The following CEP63 variants were observed in gnomAD, a reference collection of about 807,000 sequenced individuals.
CEP63 encodes centrosomal protein of 63 kDa.
A neutral mutation model predicts 89.1 loss-of-function variants in CEP63; 84 were observed. The observed-to-expected ratio is 0.94, with a 90% CI of 0.79 to 1.13. The LOEUF is 1.13. Ranked by LOEUF, CEP63 falls within the 50% of genes most tolerant of loss-of-function variation. The pLI is 0.00. For missense variants in CEP63, 838 were observed against 813.3 expected, an observed-to-expected ratio of 1.03 and a Z score of -0.37; for synonymous variants, 267 against 272.5, an observed-to-expected ratio of 0.98 and a Z score of 0.20.
At chr3:134,508,702 C>A (rs906659441) in intron 3 of CEP63, among the ~76,000 whole-genome samples, 86 of 152,202 alleles carry the variant, frequency 5.7e-4, no homozygotes, top group Admixed American at 1.1e-3. Context: ...CCCTTGACAT[C>A]AAAATTTCTC....
Position 134,541,515 on chromosome 3 carries a change from T to A in CEP63, c.556-4071T>A, listed in dbSNP as rs1951991335. On this transcript the variant is annotated intron_variant, in intron 6 of 14. Transcript: ENST00000675561. ...AAATGAACGATACTAGCCAACTTTT[T>A]TTTTTTTTTTTTTTTTTGAGACGGA... 2.0e-5 allele frequency among the ~76,000 whole-genome samples: 3 copies of A among 149,628 alleles called. No homozygotes were observed. The South Asian group carries it at 6.4e-4, about 32-fold the overall frequency.
chr3:134,688,341 T>A, the CEP63 span, among the ~76,000 whole-genome samples: 7 of 152,220 alleles, frequency 4.6e-5, no homozygotes, highest in African/African-American at 1.7e-4. Context: ...AAGACAAATC[T>A]GTAGAGACAG....
chr3:134,629,670 G>A, the CEP63 span: 2 of 1,597,806 alleles, frequency 1.3e-6, no homozygotes, highest in Admixed American at 1.7e-5. Flanking sequence ...CATCTCGAGG[G>A]TGGACTTCCA....
At chr3:134,704,438 A>G in the CEP63 span, among the ~76,000 whole-genome samples, 3 of 152,082 alleles carry the variant, frequency 2.0e-5, no homozygotes, top group Non-Finnish European at 4.4e-5. Context: ...GAACGAAAGC[A>G]GGAAGAGAGA....
chr3:134,744,193 T>G, the CEP63 span, among the ~76,000 whole-genome samples: 2 of 152,234 alleles, frequency 1.3e-5, no homozygotes, highest in South Asian at 4.1e-4. Context: ...TCCAGACTGA[T>G]GTCAAATGGT....
At chr3:134,686,652 A>G in the CEP63 span, among the ~76,000 whole-genome samples, 32 of 152,326 alleles carry the variant, frequency 2.1e-4, 1 homozygote, top group South Asian at 5.6e-3. Context: ...GCTGCTCCCA[A>G]CTCAGGGAAA....
rs774598369 is a variant in CEP63 at position 134,495,355 on chromosome 3, G to A, written c.35G>A (p.Gly12Glu). ...TTGTTAGAAGGAATACAAAATCGAG[G>A]GCATGGTGGGTAAGTTTGCTTTTTT... The part of the protein sequence containing the change: ...EALLEGIQNR[G>E]HGGGFLTSCE... Residue 12 changes from glycine to glutamate, a missense_variant, in exon 2 of 15, where the codon GGG becomes GAG. Physicochemically the swap from Gly to Glu is moderately conservative, Grantham distance 98. Transcript: ENST00000675561. 24 of 1,612,390 alleles carry A rather than the reference G, an allele frequency of 1.5e-5. No homozygotes were observed. The South Asian group carries it at 2.4e-4, about 16-fold the overall frequency.
At chr3:134,571,510 T>A (rs896795153) in intron 11 of CEP63, among the ~76,000 whole-genome samples, 3 of 152,130 alleles carry the variant, frequency 2.0e-5, no homozygotes, top group Admixed American at 1.3e-4. Flanking sequence ...TGAAACCCCG[T>A]CTTTACTAAA....
the CEP63 span, among the ~76,000 whole-genome samples, chr3:134,642,453 G>A: frequency 2.0e-5 from 3 of 152,228 alleles, no homozygotes; most frequent in Non-Finnish European, 1.5e-5. Flanking sequence ...GTGGGCGTGA[G>A]AGTCTCTAAC....
intron 11 of CEP63, among the ~76,000 whole-genome samples, chr3:134,550,777 T>C (rs1231329726): frequency 6.6e-6 from 1 of 152,180 alleles, no homozygotes; most frequent in Non-Finnish European, 1.5e-5. Context: ...AGGGAATGGC[T>C]GCAAGCAGGA....
intron 3 of CEP63, among the ~76,000 whole-genome samples, chr3:134,522,263 C>T (rs976384027): frequency 2.0e-5 from 3 of 152,090 alleles, no homozygotes; most frequent in African/African-American, 7.2e-5. Context: ...CAGGAAAATT[C>T]AGATCAATCC....
chr3:134,537,262 A>G lies in CEP63; in HGVS notation c.549A>G (p.Ile183Met). The G allele has an allele frequency of 1.3e-6, 2 of 1,595,428 alleles. No individual in the cohort carries two copies. Among genetic ancestry groups the G allele is most frequent in the East Asian group, 4.5e-5 (2 of 44,796 alleles). ...QRKALAEQSE[I>M]IQAQLVNRKQ... is the part of the protein sequence containing the mutation. ...AGGCTCTGGCTGAACAATCAGAGAT[A>G]ATTCAGGTAGGCCTAAGACTTTTTA... Residue 183 changes from isoleucine (I) to methionine (M), a missense_variant, in exon 6 of 15, where the codon ATA becomes ATG. Transcript: ENST00000675561.
the CEP63 span, among the ~76,000 whole-genome samples, chr3:134,744,237 G>T: frequency 6.6e-6 from 1 of 152,138 alleles, no homozygotes; most frequent in Admixed American, 6.5e-5. Flanking sequence ...CTAGGTAAAA[G>T]AAAAATCACA....
chr3:134,674,999 A>G, the CEP63 span, among the ~76,000 whole-genome samples: 2 of 152,230 alleles, frequency 1.3e-5, no homozygotes, highest in East Asian at 1.9e-4. Context: ...CACAATCCCA[A>G]TCAAAACCAG....
the CEP63 span, among the ~76,000 whole-genome samples, chr3:134,691,460 C>A: frequency 6.6e-6 from 1 of 150,722 alleles, no homozygotes; most frequent in Non-Finnish European, 1.5e-5. Flanking sequence ...ACAAAAATAG[C>A]AAAAAAATTT....
the CEP63 span, among the ~76,000 whole-genome samples, chr3:134,680,522 C>T: frequency 6.6e-6 from 1 of 152,306 alleles, no homozygotes; most frequent in East Asian, 1.9e-4. Context: ...AATAAGTAGA[C>T]TTTACTGAGC....
In CEP63 at chr3:134,562,409, T is replaced by A. The variant is rs115007032; in HGVS notation, c.*874T>A. 1,291 of 178,492 alleles carry A rather than the reference T, an allele frequency of 7.2e-3. 17 individuals carry two copies. Among genetic ancestry groups the A allele is most frequent in the African/African-American group, 0.029 (1,220 of 41,994 alleles). 11.1% of individuals were successfully genotyped at this position (178,492 alleles called of 1,614,324 possible). A position where few individuals can be genotyped will look rare whatever the true frequency, so the allele number is the denominator to read the frequency against. ...CTAGCAAAGGAACTAGAATGTGCAG[T>A]TACAGATGAGAAAGGTCAGTGTAGT... On this transcript the variant is annotated 3_prime_UTR_variant, in exon 15 of 15. Coordinates refer to ENST00000675561, the MANE Select transcript of CEP63 (RefSeq NM_001353108.3).
the CEP63 span, among the ~76,000 whole-genome samples, chr3:134,624,485 A>T: frequency 6.6e-6 from 1 of 151,814 alleles, no homozygotes; most frequent in East Asian, 1.9e-4. Context: ...CTCCTATCAG[A>T]CTCTCTGTGC....
the CEP63 span, among the ~76,000 whole-genome samples, chr3:134,609,203 A>C: frequency 6.6e-6 from 1 of 152,178 alleles, no homozygotes; most frequent in Non-Finnish European, 1.5e-5. Context: ...AGAGTGCTTG[A>C]ATTCACTGCC....
Sources: gnomAD v4.1 joint callset for allele counts (sites outside exome capture counted in the v4.1 genomes callset) on GRCh38, gnomAD v4.1.1 for gene constraint, MANE v1.5 for transcripts, NCBI Gene and HGNC (gene_info 2026-07-23, HGNC 2026-07-21) for gene names.